Variants in CTNNA2 observed in about 807,000 individuals in gnomAD.
CTNNA2 encodes catenin alpha 2.
Under a neutral mutation model 101.0 loss-of-function variants are expected in CTNNA2, and 42 were observed. That is an observed-to-expected ratio of 0.42 (90% CI 0.32 to 0.54). The LOEUF (loss-of-function observed/expected upper bound fraction) is 0.54, where lower values mean the gene tolerates loss of function less well. Ranked by LOEUF, CTNNA2 falls within the 20% of genes least tolerant of loss-of-function variation. CTNNA2 has a pLI of 0.14. For synonymous variants in CTNNA2, 450 were observed against 456.4 expected, an observed-to-expected ratio of 0.99 and a Z score of 0.18; for missense variants, 871 against 1,223.1, an observed-to-expected ratio of 0.71 and a Z score of 4.29.
Position 79,475,672 on chromosome 2 carries a change from T to C in CTNNA2, c.-134-29382T>C, listed in dbSNP as rs1671042819. Among the ~76,000 whole-genome samples the C allele has an allele frequency of 3.2e-5, 3 of 93,078 alleles. No homozygotes were observed. In the South Asian group the frequency reaches 8.9e-4, roughly 28 times the overall value. 61.1% of individuals were successfully genotyped at this position (93,078 alleles called of 152,430 possible). A position where few individuals can be genotyped will look rare whatever the true frequency, so the allele number is the denominator to read the frequency against. ...TTTCAATATAGCTTATTTTTCATCT[T>C]TGAATACTTTTTTTTTTGCTTTATG... On this transcript the variant is annotated intron_variant, in intron 4 of 21. Coordinates refer to the CTNNA2 transcript ENST00000466387.
At chr2:79,211,529 T>C in intron 2 of CTNNA2, among the ~76,000 whole-genome samples, 1 of 152,106 alleles carries the variant, frequency 6.6e-6, no homozygotes, top group East Asian at 1.9e-4. Context: ...GGTTGTTCTC[T>C]GGCGGGCAGG....
chr2:79,334,959 T>C (rs2104421984), intron 3 of CTNNA2, among the ~76,000 whole-genome samples: 1 of 152,274 alleles, frequency 6.6e-6, no homozygotes, highest in African/African-American at 2.4e-5. Flanking sequence ...CCCTCTCCCA[T>C]ATTTTCTATG....
At chr2:80,211,814 G>A (rs574449649) in intron 7 of CTNNA2, among the ~76,000 whole-genome samples, 2 of 152,232 alleles carry the variant, frequency 1.3e-5, no homozygotes, top group African/African-American at 2.4e-5. Context: ...TGAGAAGTAT[G>A]GCCATTTTCA....
intron 2 of CTNNA2, among the ~76,000 whole-genome samples, chr2:79,274,905 G>A (rs1675173656): frequency 6.6e-6 from 1 of 152,034 alleles, no homozygotes; most frequent in Admixed American, 6.6e-5. Flanking sequence ...TCAAAAAGCT[G>A]TTAAATGCTC....
intron 7 of CTNNA2, among the ~76,000 whole-genome samples, chr2:80,005,324 C>G (rs1004573304): frequency 2.0e-5 from 3 of 152,126 alleles, no homozygotes; most frequent in Non-Finnish European, 2.9e-5. Context: ...ATAAAAATGT[C>G]CTAAGGGTTA....
At chr2:79,290,242 C>G (rs946607496) in intron 2 of CTNNA2, among the ~76,000 whole-genome samples, 3 of 152,126 alleles carry the variant, frequency 2.0e-5, no homozygotes, top group Admixed American at 2.0e-4. Context: ...ACTGTTAAAA[C>G]CCCTAACATT....
chr2:80,368,867 G>GTGTGTATA (rs112571951), intron 7 of CTNNA2, among the ~76,000 whole-genome samples: 27 of 144,764 alleles, frequency 1.9e-4, no homozygotes, highest in African/African-American at 5.7e-4. Context: ...GTGTGTGTGT[G>GTGTGTATA]TATATATATA....
intron 4 of CTNNA2, among the ~76,000 whole-genome samples, chr2:79,495,029 G>T (rs1225294306): frequency 6.6e-6 from 1 of 152,098 alleles, no homozygotes; most frequent in Non-Finnish European, 1.5e-5. Context: ...CGTGAACCAG[G>T]GAGGCGGAGC....
At chr2:80,056,267 C>A (rs1267969526) in intron 7 of CTNNA2, among the ~76,000 whole-genome samples, 2 of 152,176 alleles carry the variant, frequency 1.3e-5, no homozygotes, top group Non-Finnish European at 2.9e-5. Context: ...TGCATGCATC[C>A]CTTTCTGCCT....
chr2:80,029,942 A>G (rs556216443), intron 7 of CTNNA2, among the ~76,000 whole-genome samples: 1 of 152,196 alleles, frequency 6.6e-6, no homozygotes, highest in African/African-American at 2.4e-5. Context: ...AAGCACCCAC[A>G]TTAGTGTGGG....
At chr2:80,044,177 T>C (rs953454863) in intron 7 of CTNNA2, among the ~76,000 whole-genome samples, 2 of 152,240 alleles carry the variant, frequency 1.3e-5, no homozygotes, top group African/African-American at 4.8e-5. Context: ...GCTGATATAT[T>C]AGTATACAAT....
intron 7 of CTNNA2, among the ~76,000 whole-genome samples, chr2:80,389,449 C>T (rs868290498): frequency 7.2e-5 from 11 of 152,114 alleles, no homozygotes; most frequent in Admixed American, 1.3e-4. Flanking sequence ...ATTGCTCTCT[C>T]CCTTTCTCCT....
chr2:79,793,113 G>A lies in CTNNA2; in HGVS notation c.298+48531G>A, dbSNP rs1343396854. On this transcript the variant is annotated intron_variant, in intron 3 of 18. Transcript: ENST00000402739. ...GGCCTAAGTGGAATATCTCTGGTGAGCAGCATGGAGACATTGAAATGGAAG... is the reference window on the plus strand; with the variant it reads ...GGCCTAAGTGGAATATCTCTGGTGAACAGCATGGAGACATTGAAATGGAAG... 3.9e-5 allele frequency among the ~76,000 whole-genome samples: 6 copies of A among 152,176 alleles called. No individual in the cohort carries two copies. The East Asian group carries it at 1.2e-3, about 29-fold the overall frequency.
At chr2:79,619,259 A>G (rs1418066316) in intron 1 of CTNNA2, among the ~76,000 whole-genome samples, 5 of 152,216 alleles carry the variant, frequency 3.3e-5, no homozygotes, top group Admixed American at 6.5e-5. Flanking sequence ...AAGAATGAGC[A>G]TATTCTATCC....
chr2:80,499,882 G>T (rs1330195107), intron 9 of CTNNA2, among the ~76,000 whole-genome samples: 2 of 151,756 alleles, frequency 1.3e-5, no homozygotes, highest in East Asian at 3.9e-4. Context: ...GGCTACATGG[G>T]GATTCACTAT....
intron 2 of CTNNA2, among the ~76,000 whole-genome samples, chr2:79,198,259 C>T (rs1334500754): frequency 1.3e-5 from 2 of 152,126 alleles, no homozygotes; most frequent in Non-Finnish European, 2.9e-5. Context: ...TAACCTAAAT[C>T]TTACTAACTT....
At chr2:79,354,521 C>A (rs1442707107) in intron 3 of CTNNA2, among the ~76,000 whole-genome samples, 1 of 152,070 alleles carries the variant, frequency 6.6e-6, no homozygotes, top group Non-Finnish European at 1.5e-5. Flanking sequence ...TTTTTCAGTT[C>A]CATTTGTTCA....
At chr2:80,485,864 G>A (rs1212657526) in intron 9 of CTNNA2, among the ~76,000 whole-genome samples, 1 of 152,138 alleles carries the variant, frequency 6.6e-6, no homozygotes, top group Non-Finnish European at 1.5e-5. Flanking sequence ...GTGGTTTTGA[G>A]TATTGTTTTA....
At chr2:79,233,827 A>C (rs867728123) in intron 2 of CTNNA2, among the ~76,000 whole-genome samples, 3 of 151,956 alleles carry the variant, frequency 2.0e-5, no homozygotes, top group African/African-American at 7.2e-5. Context: ...CTTTCTGATT[A>C]TTGTTGGTTT....
Sources: gnomAD v4.1 joint callset for allele counts (sites outside exome capture counted in the v4.1 genomes callset) on GRCh38, gnomAD v4.1.1 for gene constraint, MANE v1.5 for transcripts, NCBI Gene and HGNC (gene_info 2026-07-23, HGNC 2026-07-21) for gene names.